The following GPC6 variants were observed in gnomAD, a reference collection of about 807,000 sequenced individuals.
GPC6 encodes the protein glypican-6.
Under a neutral mutation model 55.2 loss-of-function variants are expected in GPC6, and 14 were observed. The observed-to-expected ratio is 0.25, with a 90% CI of 0.17 to 0.40. GPC6 has a LOEUF of 0.40. GPC6 is among the 10% of genes least tolerant of loss of function. GPC6 has a pLI of 1.00. For synonymous variants in GPC6, 278 were observed against 259.6 expected (o/e 1.07, Z -0.68); for missense variants, 641 against 708.5 (o/e 0.90, Z 1.08).
At chr13:94,331,591 C>A (rs537146624) in intron 6 of GPC6, among the ~76,000 whole-genome samples, 11 of 152,250 alleles carry the variant, frequency 7.2e-5, no homozygotes, top group African/African-American at 2.6e-4. Context: ...CATCCTTGTC[C>A]ACGGACAGCA....
rs541975956 is a variant in GPC6 at position 94,307,242 on chromosome 13, A to G, written c.1152+1119A>G. 1.5e-4 allele frequency among the ~76,000 whole-genome samples: 23 copies of G among 152,314 alleles called. No homozygotes were observed. In the South Asian group the frequency reaches 4.8e-3, roughly 32 times the overall value. On this transcript the variant is annotated intron_variant, in intron 6 of 8. Coordinates refer to ENST00000377047, the MANE Select transcript of GPC6 (RefSeq NM_005708.5). ...TTTTGTTATAAATTTATTGCCATTT[A>G]TTAGCAAATAAAACCTTCTCTCTAG...
At chr13:94,108,921 C>T (rs900691109) in intron 4 of GPC6, among the ~76,000 whole-genome samples, 1 of 152,082 alleles carries the variant, frequency 6.6e-6, no homozygotes, top group Admixed American at 6.6e-5. Flanking sequence ...GTATTAGTGG[C>T]CTCACTGGTG....
At chr13:94,144,272 C>T (rs1479289786) in intron 4 of GPC6, among the ~76,000 whole-genome samples, 1 of 151,932 alleles carries the variant, frequency 6.6e-6, no homozygotes, top group Non-Finnish European at 1.5e-5. Context: ...AAAGAGTGAA[C>T]AGTCATTATC....
At chr13:94,218,679 A>T (rs577132196) in intron 4 of GPC6, among the ~76,000 whole-genome samples, 2 of 152,170 alleles carry the variant, frequency 1.3e-5, no homozygotes, top group Non-Finnish European at 2.9e-5. Context: ...GCTTGGCATA[A>T]GTTCTACATC....
chr13:93,833,454 A>G (rs1887608401), intron 3 of GPC6, among the ~76,000 whole-genome samples: 1 of 152,184 alleles, frequency 6.6e-6, no homozygotes, highest in Non-Finnish European at 1.5e-5. Flanking sequence ...TTTATGGTCT[A>G]TTAATTGAGT....
chr13:94,151,376 C>T (rs916932674), intron 4 of GPC6, among the ~76,000 whole-genome samples: 1 of 152,024 alleles, frequency 6.6e-6, no homozygotes, highest in Non-Finnish European at 1.5e-5. Flanking sequence ...AATGTTAAGA[C>T]CTTTTATATC....
intron 1 of GPC6, among the ~76,000 whole-genome samples, chr13:93,380,177 A>C (rs1875099090): frequency 6.6e-6 from 1 of 152,164 alleles, no homozygotes; most frequent in Non-Finnish European, 1.5e-5. Flanking sequence ...ATATATAGTA[A>C]GTTTTAAATC....
Position 94,383,858 on chromosome 13 carries a change from C to T in GPC6, c.1289+1308C>T, listed in dbSNP as rs547675806. On this transcript the variant is annotated intron_variant, in intron 7 of 8. Coordinates refer to ENST00000377047, the MANE Select transcript of GPC6 (RefSeq NM_005708.5). The stretch of plus-strand genomic sequence containing the variant: ...TTACAATCATGGCAGAAGACAAAGG[C>T]GAAGCAGGTGCCTTCCTCACAAGGT... 5.3e-5 allele frequency among the ~76,000 whole-genome samples: 8 copies of T among 152,234 alleles called. No individual in the cohort carries two copies. The South Asian group carries it at 1.5e-3, about 28-fold the overall frequency.
In GPC6 at chr13:93,393,760, G is replaced by C. The variant is rs1348764998; in HGVS notation, c.161-151503G>C. Reference sequence around the variant, plus strand: ...TCTTCAGCATGTTCCATTGTCCCTAGAGAATGGCATTCAAGACCCCATGAT... The same window carrying C: ...TCTTCAGCATGTTCCATTGTCCCTACAGAATGGCATTCAAGACCCCATGAT... On this transcript the variant is annotated intron_variant, in intron 1 of 8. Coordinates refer to ENST00000377047, the MANE Select transcript of GPC6 (RefSeq NM_005708.5). Among the ~76,000 whole-genome samples the C allele has an allele frequency of 5.3e-5, 8 of 151,648 alleles. No individual in the cohort carries two copies. In the South Asian group the frequency reaches 1.7e-3, roughly 32 times the overall value.
chr13:93,805,121 C>T (rs573134248), intron 2 of GPC6, among the ~76,000 whole-genome samples: 13 of 152,132 alleles, frequency 8.5e-5, no homozygotes, highest in South Asian at 6.2e-4. Flanking sequence ...TATAAGAAAG[C>T]GGTAATGAGG....
Position 94,286,424 on chromosome 13 carries a change from A to G in GPC6, c.953A>G (p.Lys318Arg), listed in dbSNP as rs894014798. Residue 318 changes from lysine to arginine, a missense_variant, in exon 5 of 9, where the codon AAG becomes AGG. Lys to Arg is a conservative substitution (Grantham distance 26). Transcript: ENST00000377047. ...TCGGTCATGGACCCGATAGATGTCA[A>G]GATTTCTGAAGCCATTATGAACATG... Reference protein sequence around the residue: ...IESVMDPIDVKISEAIMNMQE... With the variant: ...IESVMDPIDVRISEAIMNMQE... 13 of 1,613,798 alleles carry G rather than the reference A, an allele frequency of 8.1e-6. No homozygotes were observed. Among genetic ancestry groups the G allele is most frequent in the Non-Finnish European group, 8.5e-6 (10 of 1,179,840 alleles).
intron 2 of GPC6, among the ~76,000 whole-genome samples, chr13:93,706,417 G>A (rs377262097): frequency 2.0e-5 from 3 of 151,490 alleles, no homozygotes; most frequent in African/African-American, 4.8e-5. Context: ...ACTACCTGTC[G>A]CCAACATATT....
chr13:93,616,399 C>T (rs765001395), intron 2 of GPC6, among the ~76,000 whole-genome samples: 22 of 151,844 alleles, frequency 1.4e-4, no homozygotes, highest in African/African-American at 4.8e-4. Flanking sequence ...ACAATATGTG[C>T]GATTAGATCA....
intron 4 of GPC6, among the ~76,000 whole-genome samples, chr13:94,073,974 G>T (rs193298652): frequency 7.0e-4 from 106 of 152,286 alleles, no homozygotes; most frequent in Non-Finnish European, 1.3e-3. Context: ...GTTTAAAAAT[G>T]AAGGTGAAGC....
chr13:94,351,962 C>CAAAAAAAAAAAAAAAAAAAAAAA (rs60206836), intron 6 of GPC6, among the ~76,000 whole-genome samples: 1 of 101,548 alleles, frequency 9.8e-6, no homozygotes, highest in East Asian at 3.1e-4. Flanking sequence ...GAGAAGAAGG[C>CAAAAAAAAAAAAAAAAAAAAAAA]AAAAAAAAAA....
rs139336357 is a variant in GPC6 at position 93,278,678 on chromosome 13, T to C, written c.160+51062T>C. On this transcript the variant is annotated intron_variant, in intron 1 of 8. Coordinates refer to ENST00000377047, the MANE Select transcript of GPC6 (RefSeq NM_005708.5). ...ATTTTGCCTGGGTAAGGATAAACAG[T>C]AAAATAATAAAGCAAAGAAAAATAT... 2.4e-3 allele frequency among the ~76,000 whole-genome samples: 372 copies of C among 152,322 alleles called. 1 individual carries two copies. The highest frequency in any genetic ancestry group is 8.9e-3 in the African/African-American group (368 of 41,578).
At chr13:93,816,988 T>C (rs1159955151) in intron 2 of GPC6, among the ~76,000 whole-genome samples, 1 of 152,182 alleles carries the variant, frequency 6.6e-6, no homozygotes, top group African/African-American at 2.4e-5. Context: ...TGTACCTAAT[T>C]GTGCCTACTC....
intron 2 of GPC6, among the ~76,000 whole-genome samples, chr13:93,624,130 T>TTC (rs1555317593): frequency 3.3e-5 from 5 of 150,720 alleles, no homozygotes; most frequent in African/African-American, 1.2e-4. Flanking sequence ...TTTTTTTTTT[T>TTC]CCTCTTCACT....
At chr13:93,367,329 G>T (rs921605463) in intron 1 of GPC6, among the ~76,000 whole-genome samples, 13 of 152,142 alleles carry the variant, frequency 8.5e-5, no homozygotes, top group African/African-American at 3.1e-4. Context: ...CATTATTTTT[G>T]TCATACCTCT....
Sources: allele counts gnomAD v4.1 joint callset (sites outside exome capture counted in the v4.1 genomes callset), GRCh38; gene constraint gnomAD v4.1.1; transcripts MANE v1.5; gene names NCBI Gene and HGNC (gene_info 2026-07-23, HGNC 2026-07-21).